ADGRB3: variants seen among roughly 807,000 people sequenced by gnomAD.
The protein encoded by ADGRB3 is brain-specific angiogenesis inhibitor 3.
A neutral mutation model predicts 193.4 loss-of-function variants in ADGRB3; 37 were observed. The observed-to-expected ratio is 0.19, with a 90% CI of 0.15 to 0.25. The LOEUF is 0.25. Among genes scored for constraint, ADGRB3 ranks in the 10% least tolerant of loss-of-function variants. The pLI is 1.00. For missense variants in ADGRB3, 1,637 were observed against 1,852.9 expected (o/e 0.88, Z 2.14); for synonymous variants, 690 against 644.2 (o/e 1.07, Z -1.08).
At chr6:68,919,470 G>C (rs1168138391) in intron 3 of ADGRB3, among the ~76,000 whole-genome samples, 6 of 152,134 alleles carry the variant, frequency 3.9e-5, no homozygotes, top group African/African-American at 1.4e-4. Context: ...ATGAGAGTGA[G>C]AGGGTGACAG....
chr6:69,028,296 A>G (rs1770498348), intron 13 of ADGRB3, among the ~76,000 whole-genome samples: 1 of 152,196 alleles, frequency 6.6e-6, no homozygotes, highest in Non-Finnish European at 1.5e-5. Context: ...CCAGCAAGAA[A>G]CTAGTCAGCT....
intron 20 of ADGRB3, among the ~76,000 whole-genome samples, chr6:69,323,692 C>G (rs1338770192): frequency 1.3e-5 from 2 of 152,024 alleles, no homozygotes; most frequent in Non-Finnish European, 2.9e-5. Context: ...TTAACATTAT[C>G]TGTCATCATT....
intron 20 of ADGRB3, among the ~76,000 whole-genome samples, chr6:69,305,253 T>G (rs1034208110): frequency 6.6e-6 from 1 of 151,596 alleles, no homozygotes; most frequent in African/African-American, 2.4e-5. Flanking sequence ...TTAAGCAGAT[T>G]TACTTAACAC....
intron 3 of ADGRB3, among the ~76,000 whole-genome samples, chr6:68,746,639 C>A (rs921373486): frequency 1.3e-5 from 2 of 151,930 alleles, no homozygotes; most frequent in Middle Eastern, 3.4e-3. Flanking sequence ...CTCTCCATTT[C>A]TAATAGGGCC....
chr6:68,868,686 A>G (rs940918382), intron 3 of ADGRB3, among the ~76,000 whole-genome samples: 1 of 152,204 alleles, frequency 6.6e-6, no homozygotes. Context: ...GAAAAAATCT[A>G]GTTTTAGGAA....
At chr6:68,748,197 C>T (rs1766123407) in intron 3 of ADGRB3, among the ~76,000 whole-genome samples, 1 of 152,066 alleles carries the variant, frequency 6.6e-6, no homozygotes, top group South Asian at 2.1e-4. Flanking sequence ...ATCTCATGTC[C>T]TCACTTTTCA....
chr6:69,330,440 A>G, intron 22 of ADGRB3, 66 bp from the exon 23 acceptor site: 3 of 1,240,268 alleles, frequency 2.4e-6, no homozygotes, highest in Non-Finnish European at 3.4e-6. Context: ...AGTTGTTTGT[A>G]TCACACGTTA....
intron 11 of ADGRB3, 120 bp from the exon 12 acceptor site, chr6:69,013,918 G>T (rs1770014864): frequency 3.7e-6 from 2 of 545,310 alleles, no homozygotes; most frequent in Non-Finnish European, 6.4e-6. Flanking sequence ...CTATGTTAGG[G>T]TCATAAAGCA....
intron 17 of ADGRB3, among the ~76,000 whole-genome samples, chr6:69,163,850 G>T (rs1186203242): frequency 6.6e-6 from 1 of 152,082 alleles, no homozygotes; most frequent in Non-Finnish European, 1.5e-5. Flanking sequence ...TTTAAAATTT[G>T]CATGTTGCAT....
chr6:69,342,603 C>T (rs1768999681), intron 26 of ADGRB3, among the ~76,000 whole-genome samples: 1 of 152,122 alleles, frequency 6.6e-6, no homozygotes, highest in African/African-American at 2.4e-5. Context: ...CTTGTGATCA[C>T]ATTGCCCTGA....
intron 5 of ADGRB3, among the ~76,000 whole-genome samples, chr6:68,941,699 T>A (rs773263394): frequency 2.0e-5 from 3 of 148,880 alleles, no homozygotes; most frequent in Non-Finnish European, 4.4e-5. Flanking sequence ...TTTTTAAAAT[T>A]GGAGGAGAAA....
chr6:68,755,903 A>AC (rs1200416803), intron 3 of ADGRB3, among the ~76,000 whole-genome samples: 12 of 152,210 alleles, frequency 7.9e-5, no homozygotes, highest in Non-Finnish European at 1.5e-5. Flanking sequence ...TTCTTTGAAG[A>AC]CATGGTACAT....
At chr6:68,989,088 A>C (rs911362239) in intron 10 of ADGRB3, among the ~76,000 whole-genome samples, 1 of 152,166 alleles carries the variant, frequency 6.6e-6, no homozygotes, top group African/African-American at 2.4e-5. Flanking sequence ...CAAAAGATAA[A>C]TATATCCCAT....
intron 26 of ADGRB3, among the ~76,000 whole-genome samples, chr6:69,351,001 T>A (rs1561995910): frequency 6.6e-6 from 1 of 152,228 alleles, no homozygotes; most frequent in East Asian, 1.9e-4. Context: ...ATAAGAAATG[T>A]GCACTATGAA....
intron 17 of ADGRB3, among the ~76,000 whole-genome samples, chr6:69,103,651 G>A (rs570247183): frequency 6.6e-6 from 1 of 151,718 alleles, no homozygotes; most frequent in African/African-American, 2.4e-5. Flanking sequence ...ATTTTATCCT[G>A]TAGTGAATTG....
intron 3 of ADGRB3, among the ~76,000 whole-genome samples, chr6:68,888,347 G>A (rs111475517): frequency 6.0e-4 from 91 of 152,086 alleles, no homozygotes; most frequent in Middle Eastern, 3.4e-3. Context: ...AATTTGTTTC[G>A]TAATGGACGG....
intron 26 of ADGRB3, among the ~76,000 whole-genome samples, chr6:69,352,365 G>C (rs1025247764): frequency 2.6e-5 from 4 of 152,304 alleles, no homozygotes; most frequent in African/African-American, 9.6e-5. Flanking sequence ...AGGAAAAGAT[G>C]ATCAGACTAG....
chr6:69,057,902 T>A (rs1278424424), intron 15 of ADGRB3, among the ~76,000 whole-genome samples: 1 of 151,990 alleles, frequency 6.6e-6, no homozygotes, highest in Non-Finnish European at 1.5e-5. Flanking sequence ...TCCTTTTTTT[T>A]ATATATAGTA....
At chr6:68,968,560 G>A (rs1768460170) in intron 8 of ADGRB3, among the ~76,000 whole-genome samples, 1 of 152,134 alleles carries the variant, frequency 6.6e-6, no homozygotes, top group African/African-American at 2.4e-5. Flanking sequence ...TACAAGTGAA[G>A]CAAAAGTGAA....
Sources: allele counts gnomAD v4.1 joint callset (sites outside exome capture counted in the v4.1 genomes callset), GRCh38; gene constraint gnomAD v4.1.1; transcripts MANE v1.5; gene names NCBI Gene and HGNC (gene_info 2026-07-23, HGNC 2026-07-21).